Variants in NRXN3 observed in about 807,000 individuals in gnomAD.
NRXN3 encodes the protein neurexin 3.
NRXN3 carries 32 observed loss-of-function variants against 137.6 expected under a neutral mutation model. The observed-to-expected ratio is 0.23, with a 90% CI of 0.18 to 0.31. The LOEUF is 0.31. Among genes scored for constraint, NRXN3 ranks in the 10% least tolerant of loss-of-function variants. NRXN3 has a pLI of 1.00. For synonymous variants in NRXN3, 798 were observed against 784.5 expected, an observed-to-expected ratio of 1.02 and a Z score of -0.29; for missense variants, 1,574 against 2,062.5, an observed-to-expected ratio of 0.76 and a Z score of 4.59.
chr14:78,790,789 T>G (rs1160333788), intron 8 of NRXN3, among the ~76,000 whole-genome samples: 2 of 152,170 alleles, frequency 1.3e-5, no homozygotes, highest in Non-Finnish European at 2.9e-5. Context: ...AGGAGATGGC[T>G]TAAGGGCTGG....
chr14:78,806,501 T>A (rs1160301030), intron 9 of NRXN3, among the ~76,000 whole-genome samples: 1 of 152,218 alleles, frequency 6.6e-6, no homozygotes, highest in Non-Finnish European at 1.5e-5. Context: ...CCTCACTCTA[T>A]TCAAGTTGTG....
intron 10 of NRXN3, among the ~76,000 whole-genome samples, chr14:78,823,680 A>G (rs2098957716): frequency 1.3e-5 from 2 of 152,222 alleles, no homozygotes; most frequent in South Asian, 4.1e-4. Context: ...GAGCAAGCAC[A>G]TTGAGGTGAT....
chr14:78,470,472 G>A (rs541816152), intron 4 of NRXN3, among the ~76,000 whole-genome samples: 19 of 151,908 alleles, frequency 1.3e-4, no homozygotes, highest in Admixed American at 7.2e-4. Flanking sequence ...CATAATCCTC[G>A]TCAGTAATCA....
At chr14:78,587,736 A>G (rs2097079571) in intron 4 of NRXN3, among the ~76,000 whole-genome samples, 1 of 152,204 alleles carries the variant, frequency 6.6e-6, no homozygotes, top group South Asian at 2.1e-4. Flanking sequence ...TAGGATATCA[A>G]CCATTTTAAA....
intron 16 of NRXN3, among the ~76,000 whole-genome samples, chr14:79,536,701 T>A (rs1324297564): frequency 1.3e-5 from 2 of 152,102 alleles, no homozygotes; most frequent in Admixed American, 6.6e-5. Flanking sequence ...TAAGTGAGAA[T>A]ATGCAGTGTT....
At chr14:79,661,367 C>A (rs780756230) in intron 16 of NRXN3, among the ~76,000 whole-genome samples, 7 of 152,126 alleles carry the variant, frequency 4.6e-5, no homozygotes, top group African/African-American at 7.2e-5. Flanking sequence ...TCCTTGAATG[C>A]TCACAGCCTG....
At chr14:79,718,818 C>A (rs557244486) in intron 19 of NRXN3, among the ~76,000 whole-genome samples, 10 of 152,040 alleles carry the variant, frequency 6.6e-5, no homozygotes, top group Admixed American at 2.0e-4. Flanking sequence ...TAAAGTACTT[C>A]TCATCATCAA....
At chr14:78,403,628 C>A in intron 4 of NRXN3, 2 of 741,852 alleles carry the variant, frequency 2.7e-6, no homozygotes, top group Non-Finnish European at 1.6e-6. Flanking sequence ...GCCGGTGCTG[C>A]ACTAAGATTT....
intron 15 of NRXN3, among the ~76,000 whole-genome samples, chr14:79,393,658 C>T (rs2153476962): frequency 6.6e-6 from 1 of 152,046 alleles, no homozygotes; most frequent in African/African-American, 2.4e-5. Context: ...ACTAAAAATA[C>T]AAAAAAATTA....
intron 2 of NRXN3, among the ~76,000 whole-genome samples, chr14:78,270,271 G>A (rs887833074): frequency 1.3e-5 from 2 of 152,196 alleles, no homozygotes; most frequent in African/African-American, 4.8e-5. Context: ...CTCTCCTCCT[G>A]TGACACACTT....
chr14:79,356,411 A>G (rs755647053), intron 15 of NRXN3, among the ~76,000 whole-genome samples: 2 of 152,082 alleles, frequency 1.3e-5, no homozygotes, highest in African/African-American at 2.4e-5. Context: ...GGAATGCACA[A>G]CTTTCTCCCA....
intron 3 of NRXN3, among the ~76,000 whole-genome samples, chr14:78,284,546 T>G (rs572306300): frequency 1.3e-5 from 2 of 152,308 alleles, no homozygotes; most frequent in South Asian, 2.1e-4. Context: ...GGGGTTCACA[T>G]AAGTTATCCA....
At chr14:78,890,807 C>T (rs1437142372) in intron 10 of NRXN3, among the ~76,000 whole-genome samples, 1 of 151,804 alleles carries the variant, frequency 6.6e-6, no homozygotes, top group Non-Finnish European at 1.5e-5. Flanking sequence ...TTCATAATTT[C>T]AGTGTCATGG....
intron 19 of NRXN3, among the ~76,000 whole-genome samples, chr14:79,758,734 G>A (rs959451456): frequency 6.6e-6 from 1 of 152,186 alleles, no homozygotes; most frequent in Non-Finnish European, 1.5e-5. Context: ...ACCAGAGATA[G>A]TGTGGCTTAG....
At chr14:78,566,027 C>T (rs1191473853) in intron 4 of NRXN3, among the ~76,000 whole-genome samples, 2 of 152,134 alleles carry the variant, frequency 1.3e-5, no homozygotes, top group South Asian at 4.2e-4. Flanking sequence ...ATTTTGCTTC[C>T]TCCCCACACT....
chr14:79,056,971 A>G (rs1370230272), intron 15 of NRXN3, among the ~76,000 whole-genome samples: 1 of 152,228 alleles, frequency 6.6e-6, no homozygotes, highest in Non-Finnish European at 1.5e-5. Context: ...ATCTCACAGC[A>G]TGTCCTTGAT....
chr14:78,643,062 A>G (rs1330701472), intron 4 of NRXN3, among the ~76,000 whole-genome samples: 1 of 152,210 alleles, frequency 6.6e-6, no homozygotes, highest in Non-Finnish European at 1.5e-5. Context: ...AACTCCCTGG[A>G]GTATGAAGCT....
At chr14:78,481,662 A>G (rs892051058) in intron 4 of NRXN3, among the ~76,000 whole-genome samples, 1 of 152,224 alleles carries the variant, frequency 6.6e-6, no homozygotes, top group Non-Finnish European at 1.5e-5. Context: ...ATGGAAAATC[A>G]CAAAGAGAAA....
At chr14:78,554,328 A>G (rs972690824) in intron 4 of NRXN3, among the ~76,000 whole-genome samples, 1 of 152,162 alleles carries the variant, frequency 6.6e-6, no homozygotes, top group African/African-American at 2.4e-5. Context: ...GAGCTCAAGT[A>G]GAAGCCTCGG....
Sources: allele counts gnomAD v4.1 joint callset (sites outside exome capture counted in the v4.1 genomes callset), GRCh38; gene constraint gnomAD v4.1.1; transcripts MANE v1.5; gene names NCBI Gene and HGNC (gene_info 2026-07-23, HGNC 2026-07-21).